Variants in CIITA observed in about 807,000 individuals in gnomAD.
CIITA encodes the protein class II major histocompatibility complex transactivator.
CIITA carries 72 observed loss-of-function variants against 115.1 expected under a neutral mutation model. The ratio of observed to expected loss-of-function variants is 0.63; its 90% CI spans 0.52 to 0.76. The LOEUF is 0.76. CIITA is among the 30% of genes least tolerant of loss of function. The pLI is 0.00. For missense variants in CIITA, 1,617 were observed against 1,463.8 expected (o/e 1.10, Z -1.71); for synonymous variants, 763 against 635.6 (o/e 1.20, Z -3.02).
intron 1 of CIITA, among the ~76,000 whole-genome samples, chr16:10,871,151 G>A (rs985570227): frequency 5.3e-5 from 8 of 152,236 alleles, no homozygotes; most frequent in African/African-American, 1.7e-4. Flanking sequence ...CATCTATAAA[G>A]TGGAGATGAT....
intron 16 of CIITA, among the ~76,000 whole-genome samples, chr16:10,919,169 C>T (rs1381779768): frequency 2.0e-5 from 3 of 151,968 alleles, no homozygotes; most frequent in African/African-American, 7.3e-5. Context: ...GCATTTGGTC[C>T]CTTATTATTT....
chr16:10,923,175 C>T lies in CIITA; in HGVS notation c.3318-53C>T. 6.4e-7 allele frequency: 1 copy of T among 1,560,484 alleles called. No homozygotes were observed. The highest frequency in any genetic ancestry group is 8.8e-7 in the Non-Finnish European group (1 of 1,136,938). On this transcript the variant is annotated intron_variant, in intron 18 of 19. Coordinates refer to ENST00000324288, the MANE Select transcript of CIITA (RefSeq NM_000246.4). The surrounding 1 kb of genome is among the most constrained non-coding windows in gnomAD (Gnocchi z 5.2). ...TTTGGGGGCAGCTGTCACTGGGGCC[C>T]CAGGCCGCCCTCTCTCCTCTAACCT...
Position 10,898,734 on chromosome 16 carries a change from T to C in CIITA, c.358+2T>C. The C allele has an allele frequency of 6.2e-7, 1 of 1,611,564 alleles. No individual in the cohort carries two copies. Among genetic ancestry groups the C allele is most frequent in the Non-Finnish European group, 8.5e-7 (1 of 1,178,982 alleles). ...AGGGCCTGAGCAAGGACATTTTCAG[T>C]AAGTTTGTGGTGGGTGGGGAGGTCT... On this transcript the variant is annotated splice_donor_variant, in intron 4 of 19. Transcript: ENST00000324288. LOFTEE classifies it high-confidence loss of function.
At chr16:10,898,785 G>A in intron 4 of CIITA, 53 bp downstream of exon 4, 1 of 1,609,068 alleles carries the variant, frequency 6.2e-7, no homozygotes. Context: ...TTCCTGCCTT[G>A]TTCCCTGGGG....
At chr16:10,888,608 A>G (rs1207256251) in intron 1 of CIITA, 1 of 152,244 alleles carries the variant, frequency 6.6e-6, no homozygotes, top group Non-Finnish European at 1.5e-5. Flanking sequence ...ATGAAAATAA[A>G]CCCCAAAAAG....
chr16:10,942,064 C>A lies in CIITA; in HGVS notation n.1190C>A, dbSNP rs2041110252. On this transcript the variant is annotated non_coding_transcript_exon_variant, in exon 2 of 2. Coordinates refer to the CIITA transcript ENST00000573379. The surrounding 1 kb of genome is among the most constrained non-coding windows in gnomAD (Gnocchi z 5.0). ...CCGGCGAACTCAGCCGCTGCGGCGC[C>A]CGGGCGGCCGGCGAGGGCACAGCGC... 1.5e-6 allele frequency: 2 copies of A among 1,316,708 alleles called. No individual in the cohort carries two copies. Among genetic ancestry groups the A allele is most frequent in the South Asian group, 4.6e-5 (2 of 43,228 alleles). 81.6% of individuals were successfully genotyped at this position (1,316,708 alleles called of 1,614,324 possible).
rs2040223958 is a variant in CIITA at position 10,920,718 on chromosome 16, G to T, written c.3150-1449G>T. On this transcript the variant is annotated intron_variant, in intron 16 of 19. Coordinates refer to ENST00000324288, the MANE Select transcript of CIITA (RefSeq NM_000246.4). The surrounding 1 kb of genome is among the most constrained non-coding windows in gnomAD (Gnocchi z 4.5). ...ATATGTCTTGGCATCGATGAAATAT[G>T]GTCAGATTACTCTCCCTGTGGGGTG... 6.6e-6 allele frequency among the ~76,000 whole-genome samples: 1 copy of T among 152,132 alleles called. No individual in the cohort carries two copies. Among genetic ancestry groups the T allele is most frequent in the African/African-American group, 2.4e-5 (1 of 41,390 alleles).
At chr16:10,939,545 C>G (rs75577312), downstream of CIITA, 18,967 of 152,332 alleles carry the variant, frequency 0.12, 1,197 homozygotes, top group African/African-American at 0.14. The surrounding 1 kb of genome is among the most constrained non-coding windows in gnomAD (Gnocchi z 4.9). Context: ...CTTGGCACCA[C>G]TGATTCCCTC....
In CIITA at chr16:10,942,893, C is replaced by G. The variant is rs1001498778; in HGVS notation, n.2019C>G. The G allele has an allele frequency of 1.3e-5, 2 of 152,204 alleles. No individual in the cohort carries two copies. The highest frequency in any genetic ancestry group is 3.8e-4 in the East Asian group (2 of 5,198). The allele number at this position is 152,204 out of a possible 1,614,324, so 9.4% of individuals were successfully genotyped here. A position where few individuals can be genotyped will look rare whatever the true frequency, so the allele number is the denominator to read the frequency against. On this transcript the variant is annotated non_coding_transcript_exon_variant, in exon 2 of 2. Transcript: ENST00000573379. This position sits in a 1 kb window ranked among gnomAD's most constrained non-coding sequence, Gnocchi z 5.0. ...AAGCGCCAATTTTCATGGTGGAGAT[C>G]CACCAGTGTCCCCTTCGCTTCTCCA...
In CIITA at chr16:10,936,297, G is replaced by T. The variant is rs532850748; in HGVS notation, c.*12442G>T. The stretch of plus-strand genomic sequence containing the variant: ...GAGATTGGTCATAGGATTGTATAGT[G>T]TATCAATATTAGATTTGCTGATTTT... On this transcript the variant is annotated 3_prime_UTR_variant, in exon 20 of 20. Coordinates refer to ENST00000324288, the MANE Select transcript of CIITA (RefSeq NM_000246.4). 1 of 152,046 alleles carries T rather than the reference G, an allele frequency of 6.6e-6. No homozygotes were observed. The highest frequency in any genetic ancestry group is 2.4e-5 in the African/African-American group (1 of 41,392). 9.4% of individuals were successfully genotyped at this position (152,046 alleles called of 1,614,324 possible). A position where few individuals can be genotyped will look rare whatever the true frequency, so the allele number is the denominator to read the frequency against.
In CIITA at chr16:10,941,769, G is replaced by A. The variant is rs765782979; in HGVS notation, n.895G>A. ...CGAGCTCCGAGTCAGCATCGTAAAG[G>A]CCCGAGCCGGGGTCGGAGAGCACGC... On this transcript the variant is annotated non_coding_transcript_exon_variant, in exon 2 of 2. Transcript: ENST00000573379. This position sits in a 1 kb window ranked among gnomAD's most constrained non-coding sequence, Gnocchi z 6.4. The A allele has an allele frequency of 4.3e-5, 70 of 1,613,394 alleles. No homozygotes were observed. Among genetic ancestry groups the A allele is most frequent in the Non-Finnish European group, 5.8e-5 (68 of 1,179,770 alleles).
intron 12 of CIITA, 98 bp from the exon 13 acceptor site, chr16:10,910,089 TG>T: frequency 2.1e-6 from 2 of 961,604 alleles, no homozygotes; most frequent in Non-Finnish European, 3.3e-6. Flanking sequence ...GCAATCCCCC[TG>T]GGGAATTTGG....
chr16:10,914,496 A>T (rs149805066), intron 13 of CIITA, among the ~76,000 whole-genome samples: 1 of 152,234 alleles, frequency 6.6e-6, no homozygotes, highest in Admixed American at 6.5e-5. Flanking sequence ...TGCTGGCACC[A>T]TAATTTTACC....
In CIITA at chr16:10,907,903, G is replaced by C. The variant is rs543333483; in HGVS notation, c.2411G>C (p.Arg804Pro). 5 of 1,583,620 alleles carry C rather than the reference G, an allele frequency of 3.2e-6. No individual in the cohort carries two copies. Among genetic ancestry groups the C allele is most frequent in the Non-Finnish European group, 4.3e-6 (5 of 1,165,212 alleles). ...CTGCAGCCGGGGACACTGCGGGCGC[G>C]GCAGCTGCTGGAGCTGCTGCACTGC... The part of the protein sequence containing the change: ...KRLQPGTLRA[R>P]QLLELLHCAH... The change falls in exon 11 of 20, where the codon CGG becomes CCG. Residue 804 changes from arginine (R) to proline (P), a missense_variant. Coordinates refer to ENST00000324288, the MANE Select transcript of CIITA (RefSeq NM_000246.4). The surrounding 1 kb of genome is among the most constrained non-coding windows in gnomAD (Gnocchi z 5.0).
intron 9 of CIITA, 22 bp from the exon 10 acceptor site, chr16:10,904,722 G>A (rs367901429): frequency 6.2e-7 from 1 of 1,613,906 alleles, no homozygotes; most frequent in Non-Finnish European, 8.5e-7. Flanking sequence ...CCTAAATCTG[G>A]CACCTGCTTC....
intron 8 of CIITA, 22 bp from the exon 9 acceptor site, chr16:10,903,709 C>T (rs763120980): frequency 6.2e-7 from 1 of 1,614,014 alleles, no homozygotes; most frequent in African/African-American, 1.3e-5. Flanking sequence ...TATTCTCACA[C>T]CACTCTCCAC....
chr16:10,894,108 T>G (rs1476306115), intron 1 of CIITA, among the ~76,000 whole-genome samples: 1 of 152,152 alleles, frequency 6.6e-6, no homozygotes, highest in Non-Finnish European at 1.5e-5. Flanking sequence ...TGTCTCAGCC[T>G]CCCAAAGTGC....
intron 1 of CIITA, among the ~76,000 whole-genome samples, chr16:10,890,962 A>G (rs1243220520): frequency 6.6e-6 from 1 of 152,160 alleles, no homozygotes; most frequent in Non-Finnish European, 1.5e-5. Context: ...GTGTGTTGGT[A>G]GGTAGGGGTA....
At chr16:10,870,755 A>G (rs1368375544) in intron 1 of CIITA, among the ~76,000 whole-genome samples, 1 of 152,210 alleles carries the variant, frequency 6.6e-6, no homozygotes, top group Non-Finnish European at 1.5e-5. Flanking sequence ...CCAGGGCTCT[A>G]GTGAGGGTTA....
Sources: gnomAD v4.1 joint callset for allele counts (sites outside exome capture counted in the v4.1 genomes callset) on GRCh38, gnomAD v4.1.1 for gene constraint, Gnocchi (gnomAD v3.1) non-coding constraint, MANE v1.5 for transcripts, NCBI Gene and HGNC (gene_info 2026-07-23, HGNC 2026-07-21) for gene names.